KLHL25: variants seen among roughly 807,000 people sequenced by gnomAD.
KLHL25 encodes kelch like family member 25.
KLHL25 carries 41 observed loss-of-function variants against 30.0 expected under a neutral mutation model. The observed-to-expected ratio is 1.37, with a 90% CI of 1.07 to 1.78. The LOEUF is 1.78. Among genes scored for constraint, KLHL25 ranks in the 40% most tolerant of loss-of-function variants. The pLI is 0.00. For missense variants in KLHL25, 971 were observed against 824.5 expected, an observed-to-expected ratio of 1.18 and a Z score of -2.18; for synonymous variants, 399 against 355.3, an observed-to-expected ratio of 1.12 and a Z score of -1.38.
chr15:85,764,300 C>G (rs2089603876), intron 2 of KLHL25: 1 of 152,434 alleles, frequency 6.6e-6, no homozygotes, highest in Non-Finnish European at 1.5e-5. Flanking sequence ...AACCCAGGGT[C>G]ATAGTGAGGG....
At chr15:85,773,476 C>G (rs924517166) in intron 1 of KLHL25, among the ~76,000 whole-genome samples, 2 of 152,256 alleles carry the variant, frequency 1.3e-5, no homozygotes, top group African/African-American at 4.8e-5. Context: ...CACACCCTGA[C>G]TGTTCTCTGG....
At chr15:85,785,238 C>T (rs1351202502) in intron 1 of KLHL25, among the ~76,000 whole-genome samples, 1 of 151,958 alleles carries the variant, frequency 6.6e-6, no homozygotes, top group Non-Finnish European at 1.5e-5. Context: ...GAACTACAGG[C>T]GCCCACCACG....
In KLHL25 at chr15:85,789,915, GTCC is replaced by G. The variant is rs2089805646; in HGVS notation, c.-11+4848_-11+4850del. Among the ~76,000 whole-genome samples the G allele has an allele frequency of 6.6e-6, 1 of 152,150 alleles. No individual in the cohort carries two copies. The highest frequency in any genetic ancestry group is 1.5e-5 in the Non-Finnish European group (1 of 68,020). ...CCAGAGGCTCAAGGAGAACAGCCCC[GTCC>G]CTTTGGAGTTACTGGGAAAATCTGA... On this transcript the variant is annotated intron_variant, in intron 1 of 2. Coordinates refer to ENST00000337975, the MANE Select transcript of KLHL25 (RefSeq NM_022480.4). This position sits in a 1 kb window ranked among gnomAD's most constrained non-coding sequence, Gnocchi z 4.1.
chr15:85,776,402 C>T (rs2089709444), intron 1 of KLHL25, among the ~76,000 whole-genome samples: 1 of 150,796 alleles, frequency 6.6e-6, no homozygotes, highest in African/African-American at 2.4e-5. Context: ...GGCAGGAGAA[C>T]TGCTCAAACC....
intron 1 of KLHL25, among the ~76,000 whole-genome samples, chr15:85,782,974 T>C (rs972179583): frequency 1.3e-5 from 2 of 152,160 alleles, no homozygotes; most frequent in African/African-American, 4.8e-5. Flanking sequence ...TTAGCCACAA[T>C]ACCCACGGGA....
rs539978165 is a variant in KLHL25 at position 85,774,652 on chromosome 15, C to T, written c.-10-4832G>A. Among the ~76,000 whole-genome samples the T allele has an allele frequency of 3.0e-3, 460 of 152,242 alleles. 4 individuals are homozygous for T. Among genetic ancestry groups the T allele is most frequent in the Non-Finnish European group, 2.5e-3 (170 of 68,006 alleles). ...GCTACAGCACTAACCCCTTCCCACC[C>T]GCCTCCACTAACCAAGAGTTAGCAA... On this transcript the variant is annotated intron_variant, in intron 1 of 2. Coordinates refer to ENST00000337975, the MANE Select transcript of KLHL25 (RefSeq NM_022480.4).
intron 1 of KLHL25, among the ~76,000 whole-genome samples, chr15:85,788,763 T>C (rs1346585816): frequency 1.3e-5 from 2 of 152,190 alleles, no homozygotes; most frequent in African/African-American, 4.8e-5. Context: ...AATAAATGTT[T>C]GTTGCATGAA....
Position 85,765,648 on chromosome 15 carries a change from G to C in KLHL25, c.*24+2369C>G, listed in dbSNP as rs932046219. Among the ~76,000 whole-genome samples, 17 of 142,006 alleles carry C rather than the reference G, an allele frequency of 1.2e-4. No homozygotes were observed. The South Asian group carries it at 3.8e-3, about 32-fold the overall frequency. The allele number at this position is 142,006 out of a possible 152,430, so 93.2% of individuals were successfully genotyped here. On this transcript the variant is annotated intron_variant, in intron 2 of 2. Coordinates refer to ENST00000337975, the MANE Select transcript of KLHL25 (RefSeq NM_022480.4). ...AAAAAAAAAAAAAGAAGAAGAAGAA[G>C]AAGAAGAAAACAGAAAAGCTGTAAA...
At chr15:85,773,761 G>C (rs2089692551) in intron 1 of KLHL25, among the ~76,000 whole-genome samples, 1 of 152,162 alleles carries the variant, frequency 6.6e-6, no homozygotes, top group Non-Finnish European at 1.5e-5. Context: ...GGCTGGGAGT[G>C]GGAAGGGGTG....
intron 1 of KLHL25, among the ~76,000 whole-genome samples, chr15:85,774,891 T>TC (rs2089699975): frequency 6.6e-6 from 1 of 151,144 alleles, no homozygotes; most frequent in Non-Finnish European, 1.5e-5. Context: ...TTTTTTTTTT[T>TC]TTTGAGACGG....
At chr15:85,793,915 A>G (rs1434807477) in intron 1 of KLHL25, among the ~76,000 whole-genome samples, 1 of 152,196 alleles carries the variant, frequency 6.6e-6, no homozygotes, top group Non-Finnish European at 1.5e-5. Context: ...AGGCCTCTAG[A>G]GAGATGTTTC....
At chr15:85,767,172 A>G (rs1339578110) in intron 2 of KLHL25, among the ~76,000 whole-genome samples, 2 of 152,062 alleles carry the variant, frequency 1.3e-5, no homozygotes, top group East Asian at 1.9e-4. Flanking sequence ...TTGTATTTTT[A>G]GTAGGGATGG....
chr15:85,792,185 A>G (rs970208103), intron 1 of KLHL25, among the ~76,000 whole-genome samples: 4 of 152,276 alleles, frequency 2.6e-5, no homozygotes, highest in Non-Finnish European at 4.4e-5. Context: ...CTGCTGATTG[A>G]TAAGTCCTGT....
At chr15:85,766,470 C>G (rs971354794) in intron 2 of KLHL25, among the ~76,000 whole-genome samples, 1 of 152,082 alleles carries the variant, frequency 6.6e-6, no homozygotes. Flanking sequence ...GCCAGGCTGG[C>G]CGGGATACCC....
At chr15:85,794,372 G>A (rs977408483) in intron 1 of KLHL25, among the ~76,000 whole-genome samples, 2 of 152,198 alleles carry the variant, frequency 1.3e-5, no homozygotes, top group African/African-American at 2.4e-5. Context: ...GGGCATCGCC[G>A]CTCGCGTCCT....
chr15:85,792,124 G>C (rs1031483839), intron 1 of KLHL25, among the ~76,000 whole-genome samples: 6 of 152,166 alleles, frequency 3.9e-5, no homozygotes, highest in African/African-American at 9.7e-5. Context: ...TCAAGGAAAG[G>C]GGTTGGAACC....
At chr15:85,787,338 T>G (rs1481799456) in intron 1 of KLHL25, among the ~76,000 whole-genome samples, 1 of 151,944 alleles carries the variant, frequency 6.6e-6, no homozygotes, top group Non-Finnish European at 1.5e-5. Context: ...CCCAGCTACT[T>G]GGGAGGCTGA....
rs758133723 is a variant in KLHL25 at position 85,768,110 on chromosome 15, G to A, written c.1701C>T (p.Cys567=). 6.2e-7 allele frequency: 1 copy of A among 1,614,240 alleles called. No homozygotes were observed. Among genetic ancestry groups the A allele is most frequent in the South Asian group, 1.1e-5 (1 of 91,080 alleles). Residue 567 remains cysteine (C), a synonymous_variant, in exon 2 of 3, where the codon TGC becomes TGT. Transcript: ENST00000337975. ...TAAGTGAGTAGGGCACTGTGGTGAT[G>A]CAGTTCCATGTATCTGAAGTGGGGT... The part of the protein sequence containing the change: ...CYDPTSDTWN[C]ITTVPYSLIP...
chr15:85,775,123 C>T (rs1417930445), intron 1 of KLHL25, among the ~76,000 whole-genome samples: 1 of 152,094 alleles, frequency 6.6e-6, no homozygotes, highest in Non-Finnish European at 1.5e-5. Flanking sequence ...GTGATCTGCC[C>T]GTCTTAGCCT....
Sources: allele counts gnomAD v4.1 joint callset (sites outside exome capture counted in the v4.1 genomes callset), GRCh38; gene constraint gnomAD v4.1.1; non-coding constraint Gnocchi (gnomAD v3.1); transcripts MANE v1.5; gene names NCBI Gene and HGNC (gene_info 2026-07-23, HGNC 2026-07-21).